Variants in NPNT observed in about 807,000 individuals in gnomAD.
NPNT encodes nephronectin.
In NPNT, 45 loss-of-function variants were observed where a neutral mutation model predicts 68.6. The ratio of observed to expected loss-of-function variants is 0.66; its 90% CI spans 0.52 to 0.84. The LOEUF (loss-of-function observed/expected upper bound fraction) is 0.84. Ranked by LOEUF, NPNT falls within the 40% of genes least tolerant of loss-of-function variation. The pLI, the probability that NPNT is intolerant of heterozygous loss-of-function variation, is 0.00. For synonymous variants in NPNT, 233 were observed against 253.3 expected, an observed-to-expected ratio of 0.92 and a Z score of 0.76; for missense variants, 672 against 714.8, an observed-to-expected ratio of 0.94 and a Z score of 0.68.
chr4:105,959,671 A>C (rs1731531236), intron 10 of NPNT, among the ~76,000 whole-genome samples: 3 of 151,918 alleles, frequency 2.0e-5, no homozygotes, highest in Non-Finnish European at 4.4e-5. Context: ...TTTATAACAA[A>C]AGGTAGATTT....
At position 105,940,096 on chromosome 4, in the gene NPNT, G is replaced by C. The variant is rs764148267; in HGVS notation, c.527G>C (p.Gly176Ala). 1 of 1,613,392 alleles carries C rather than the reference G, an allele frequency of 6.2e-7. No homozygotes were observed. The highest frequency in any genetic ancestry group is 8.5e-7 in the Non-Finnish European group (1 of 1,179,468). ...CTAGATGTTGATGAATGTGCTACAG[G>C]AAGAGCCTCCTGCCCTAGATTTAGG... ...TCVDVDECAT[G>A]RASCPRFRQC... Residue 176 changes from glycine to alanine, a missense_variant, in exon 6 of 12, where the codon GGA becomes GCA. By Grantham distance (60) the Gly-to-Ala change is moderately conservative. Coordinates refer to ENST00000379987, the MANE Select transcript of NPNT (RefSeq NM_001033047.3).
At chr4:105,962,342 A>G (rs1211756566) in intron 10 of NPNT, among the ~76,000 whole-genome samples, 1 of 152,214 alleles carries the variant, frequency 6.6e-6, no homozygotes, top group Non-Finnish European at 1.5e-5. Context: ...GAAATGATGC[A>G]TCAGGGTTCC....
At chr4:105,927,515 C>A in intron 3 of NPNT, 87 bp downstream of exon 3, 2 of 705,088 alleles carry the variant, frequency 2.8e-6, no homozygotes, top group East Asian at 3.0e-5. Context: ...AACTACTTTC[C>A]ATGGCTATTT....
intron 2 of NPNT, among the ~76,000 whole-genome samples, chr4:105,908,712 C>T (rs1277630016): frequency 1.3e-5 from 2 of 151,854 alleles, no homozygotes; most frequent in Non-Finnish European, 2.9e-5. Context: ...TATAGGCACC[C>T]GCCCACCACA....
intron 10 of NPNT, among the ~76,000 whole-genome samples, chr4:105,959,949 A>C: frequency 6.6e-6 from 1 of 151,644 alleles, no homozygotes; most frequent in South Asian, 2.1e-4. Context: ...AGCTGGGACT[A>C]CAGGCATGTG....
chr4:105,960,671 T>C (rs1009722489), intron 10 of NPNT, among the ~76,000 whole-genome samples: 1 of 152,226 alleles, frequency 6.6e-6, no homozygotes, highest in Admixed American at 6.5e-5. Flanking sequence ...CTTGCATTAC[T>C]GTCTTACTCA....
chr4:105,900,924 C>T (rs776448453), intron 2 of NPNT, among the ~76,000 whole-genome samples: 71 of 122,522 alleles, frequency 5.8e-4, no homozygotes, highest in Non-Finnish European at 1.0e-3. Context: ...ATTTGATTTT[C>T]TAACTGTCAT....
chr4:105,945,970 TAAAG>T (rs1319080657), intron 8 of NPNT, among the ~76,000 whole-genome samples: 1 of 152,216 alleles, frequency 6.6e-6, no homozygotes, highest in Non-Finnish European at 1.5e-5. Flanking sequence ...TGATGATTAT[TAAAG>T]AAAAAAGTAG....
intron 3 of NPNT, among the ~76,000 whole-genome samples, chr4:105,932,322 AATG>A (rs902227541): frequency 2.0e-5 from 3 of 152,290 alleles, no homozygotes; most frequent in African/African-American, 7.2e-5. Flanking sequence ...TACTTTTAAA[AATG>A]ATGATCTCTT....
At chr4:105,921,638 T>C (rs948494049) in intron 2 of NPNT, among the ~76,000 whole-genome samples, 10 of 152,166 alleles carry the variant, frequency 6.6e-5, no homozygotes, top group Non-Finnish European at 1.5e-4. Flanking sequence ...CTGGAGATCT[T>C]GGACAGTAGG....
chr4:105,905,501 T>G (rs1183177939), intron 2 of NPNT, among the ~76,000 whole-genome samples: 1 of 152,222 alleles, frequency 6.6e-6, no homozygotes, highest in Non-Finnish European at 1.5e-5. Context: ...AATGATGGCA[T>G]GAAGTACAAA....
chr4:105,954,166 A>G (rs1344919277), intron 8 of NPNT, among the ~76,000 whole-genome samples: 1 of 152,112 alleles, frequency 6.6e-6, no homozygotes, highest in Non-Finnish European at 1.5e-5. Flanking sequence ...TTTGTGGCTG[A>G]TTTTACCCCT....
chr4:105,968,466 C>T (rs1035255782), intron 11 of NPNT, among the ~76,000 whole-genome samples: 1 of 152,310 alleles, frequency 6.6e-6, no homozygotes, highest in South Asian at 2.1e-4. Flanking sequence ...ATTCCATTTT[C>T]AGCAAGAAAG....
chr4:105,907,291 A>G (rs1290553410), intron 2 of NPNT, among the ~76,000 whole-genome samples: 1 of 152,204 alleles, frequency 6.6e-6, no homozygotes, highest in Non-Finnish European at 1.5e-5. Context: ...ATACCCTAGG[A>G]TAATTTCTCT....
intron 2 of NPNT, among the ~76,000 whole-genome samples, chr4:105,914,070 CT>C (rs1057094498): frequency 6.6e-6 from 1 of 151,866 alleles, no homozygotes; most frequent in African/African-American, 2.4e-5. Context: ...ATGATTGGCT[CT>C]TATTCCTTCT....
At chr4:105,895,772 C>T in intron 1 of NPNT, 49 bp downstream of exon 1, 1 of 1,458,354 alleles carries the variant, frequency 6.9e-7, no homozygotes, top group Non-Finnish European at 9.4e-7. Flanking sequence ...GCTAATTTCA[C>T]ACTCACTGTC....
chr4:105,898,116 G>A (rs1229797257), intron 2 of NPNT, 115 bp downstream of exon 2: 1 of 671,506 alleles, frequency 1.5e-6, no homozygotes, highest in Admixed American at 3.3e-5. Context: ...GGCCTTGCAG[G>A]TCTGACTTGG....
chr4:105,905,930 T>A (rs1244951559), intron 2 of NPNT, among the ~76,000 whole-genome samples: 1 of 152,216 alleles, frequency 6.6e-6, no homozygotes, highest in Non-Finnish European at 1.5e-5. Context: ...CTATTTTTGA[T>A]TCCTTAGAAG....
chr4:105,945,492 G>A (rs2149382041), intron 8 of NPNT, among the ~76,000 whole-genome samples: 1 of 152,182 alleles, frequency 6.6e-6, no homozygotes. Flanking sequence ...TCTTATCCCA[G>A]GTAATGGGAC....
Sources: gnomAD v4.1 joint callset for allele counts (sites outside exome capture counted in the v4.1 genomes callset) on GRCh38, gnomAD v4.1.1 for gene constraint, MANE v1.5 for transcripts, NCBI Gene and HGNC (gene_info 2026-07-23, HGNC 2026-07-21) for gene names.